TMTC4: variants seen among roughly 807,000 people sequenced by gnomAD.
TMTC4 encodes the protein transmembrane O-mannosyltransferase targeting cadherins 4, also known as protein O-mannosyl-transferase TMTC4.
TMTC4 carries 65 observed loss-of-function variants against 86.0 expected under a neutral mutation model. The observed-to-expected ratio is 0.76, with a 90% confidence interval of 0.62 to 0.93. The LOEUF (loss-of-function observed/expected upper bound fraction) is 0.93. Among genes scored for constraint, TMTC4 ranks in the 40% least tolerant of loss-of-function variants. TMTC4 has a pLI of 0.00. For missense variants in TMTC4, 866 were observed against 948.1 expected (o/e 0.91, Z 1.14); for synonymous variants, 379 against 382.5 (o/e 0.99, Z 0.11).
At chr13:100,637,770 A>G in intron 8 of TMTC4, 68 bp from the exon 9 acceptor site, 1 of 1,583,132 alleles carries the variant, frequency 6.3e-7, no homozygotes, top group South Asian at 1.1e-5. Flanking sequence ...AGCCAGGTAC[A>G]GATGTGCAGC....
intron 15 of TMTC4, among the ~76,000 whole-genome samples, chr13:100,621,251 A>C (rs182041437): frequency 8.7e-4 from 132 of 152,202 alleles, no homozygotes; most frequent in African/African-American, 2.9e-3. Context: ...CTATTTTCCA[A>C]ATCCCAAGGA....
chr13:100,607,228 T>C lies in TMTC4; in HGVS notation c.2065-801A>G, dbSNP rs887562805. The stretch of plus-strand genomic sequence containing the variant: ...CTTAAGGGGAGCATGCTTTCATCAG[T>C]ATCACATGCTGGGCATGGTGGCTCA... On this transcript the variant is annotated intron_variant, in intron 17 of 18. Transcript: ENST00000342624. Among the ~76,000 whole-genome samples the C allele has an allele frequency of 3.9e-5, 6 of 152,284 alleles. No homozygotes were observed. The South Asian group carries it at 8.3e-4, about 21-fold the overall frequency.
intron 1 of TMTC4, chr13:100,674,463 C>T: frequency 1.1e-6 from 1 of 908,764 alleles, no homozygotes; most frequent in Non-Finnish European, 1.3e-6. Context: ...TCTGCCCGGG[C>T]GGAGAAGCTC....
rs568392827 is a variant in TMTC4 at position 100,647,865 on chromosome 13, A to G, written c.641-5554T>C. Among the ~76,000 whole-genome samples the G allele has an allele frequency of 6.6e-4, 101 of 152,318 alleles. 2 individuals carry two copies. Among genetic ancestry groups the G allele is most frequent in the African/African-American group, 2.4e-3 (98 of 41,572 alleles). ...AAACCAGAGACTTAATTGAAAACAG[A>G]AAAATAACAACTAGAAAACACAGCC... On this transcript the variant is annotated intron_variant, in intron 6 of 18. Transcript: ENST00000342624.
intron 12 of TMTC4, among the ~76,000 whole-genome samples, chr13:100,627,311 T>A (rs1424071142): frequency 6.6e-6 from 1 of 152,180 alleles, no homozygotes; most frequent in Non-Finnish European, 1.5e-5. Flanking sequence ...GGGCGGGGTC[T>A]GTAAGTGTGT....
At chr13:100,664,376 C>T in intron 3 of TMTC4, 40 bp from the exon 4 acceptor site, 2 of 1,501,442 alleles carry the variant, frequency 1.3e-6, no homozygotes, top group Non-Finnish European at 1.8e-6. Context: ...CAAGGGTCTC[C>T]CATCAGCCCT....
chr13:100,606,458 A>G, intron 17 of TMTC4, 31 bp from the exon 18 acceptor site: 1 of 1,581,250 alleles, frequency 6.3e-7, no homozygotes, highest in Non-Finnish European at 8.7e-7. Context: ...AAAGGAAGAT[A>G]TTTATTGTAC....
chr13:100,619,933 T>C (rs980343452), intron 15 of TMTC4, among the ~76,000 whole-genome samples: 2 of 152,234 alleles, frequency 1.3e-5, no homozygotes, highest in Non-Finnish European at 2.9e-5. Context: ...CATGACAAAA[T>C]TCTTCACTAC....
chr13:100,625,464 A>G, intron 15 of TMTC4, 71 bp downstream of exon 15: 2 of 1,587,608 alleles, frequency 1.3e-6, no homozygotes, highest in Non-Finnish European at 1.7e-6. Flanking sequence ...GGGTGTCACT[A>G]TGTCATTTTA....
rs936544541 is a variant in TMTC4, at chr13:100,625,884, G to T, written c.1595C>A (p.Pro532His). 1 of 1,611,900 alleles carries T rather than the reference G, an allele frequency of 6.2e-7. No homozygotes were observed. Among genetic ancestry groups the T allele is most frequent in the Non-Finnish European group, 8.5e-7 (1 of 1,179,704 alleles). Residue 532 changes from proline to histidine, a missense_variant, in exon 14 of 19, where the codon CCC (proline) becomes CAC (histidine). Pro to His is a moderately conservative substitution (Grantham distance 77). Coordinates refer to ENST00000342624, the MANE Select transcript of TMTC4 (RefSeq NM_032813.5). ...ATTATTCATGGCATGAACATACTTG[G>T]GATTTAATCTGAAAGTTGAGAAAAA... ...RYYREAVRLNPKYVHAMNNLG... is the reference protein window; with the variant it reads ...RYYREAVRLNHKYVHAMNNLG...
intron 1 of TMTC4, chr13:100,674,162 G>C (rs973905926): frequency 6.2e-6 from 6 of 969,260 alleles, no homozygotes; most frequent in Non-Finnish European, 7.3e-6. Context: ...CGGCGGCTCG[G>C]TGGCCCCGGG....
intron 6 of TMTC4, among the ~76,000 whole-genome samples, chr13:100,646,196 T>G (rs1056903409): frequency 2.0e-5 from 3 of 152,132 alleles, no homozygotes; most frequent in African/African-American, 7.2e-5. Flanking sequence ...GTGCACCCTC[T>G]TGAGAGTAAG....
intron 7 of TMTC4, among the ~76,000 whole-genome samples, chr13:100,641,982 C>T (rs1883074256): frequency 6.6e-6 from 1 of 152,194 alleles, no homozygotes; most frequent in East Asian, 1.9e-4. Context: ...CCTCATTCAC[C>T]ATTTCTCCCC....
chr13:100,658,525 G>A (rs1885388586), intron 5 of TMTC4, among the ~76,000 whole-genome samples: 1 of 152,086 alleles, frequency 6.6e-6, no homozygotes, highest in South Asian at 2.1e-4. Flanking sequence ...AGAGAACAGG[G>A]TCACAGGAAA....
At chr13:100,673,049 T>A (rs934433037) in intron 1 of TMTC4, among the ~76,000 whole-genome samples, 1 of 152,158 alleles carries the variant, frequency 6.6e-6, no homozygotes, top group Non-Finnish European at 1.5e-5. Context: ...GCTACCTGAC[T>A]CCTGCGACAG....
intron 10 of TMTC4, 99 bp downstream of exon 10, chr13:100,636,433 C>T: frequency 5.0e-6 from 7 of 1,388,516 alleles, no homozygotes; most frequent in South Asian, 1.2e-5. Flanking sequence ...TGTCCTTAGA[C>T]GTGACTTCCA....
At chr13:100,655,498 T>G (rs1884994091) in intron 6 of TMTC4, among the ~76,000 whole-genome samples, 1 of 152,182 alleles carries the variant, frequency 6.6e-6, no homozygotes, top group South Asian at 2.1e-4. Flanking sequence ...TGTTACTGAT[T>G]CACTGTCTCA....
At chr13:100,642,655 TGAG>T (rs1171958409) in intron 6 of TMTC4, among the ~76,000 whole-genome samples, 1 of 152,192 alleles carries the variant, frequency 6.6e-6, no homozygotes, top group Non-Finnish European at 1.5e-5. Flanking sequence ...CGAGTCTTTT[TGAG>T]AACTCTCACT....
At chr13:100,631,243 A>G (rs17475472) in intron 12 of TMTC4, among the ~76,000 whole-genome samples, 28,023 of 152,250 alleles carry the variant, frequency 0.18, 2,877 homozygotes, top group Admixed American at 0.24. Flanking sequence ...TGAGAGTATC[A>G]GTTATGAAAG....
Sources: allele counts gnomAD v4.1 joint callset (sites outside exome capture counted in the v4.1 genomes callset), GRCh38; gene constraint gnomAD v4.1.1; transcripts MANE v1.5; gene names NCBI Gene and HGNC (gene_info 2026-07-23, HGNC 2026-07-21).